Variants in KRT38 observed in about 807,000 individuals in gnomAD.
KRT38 encodes the protein keratin 38.
Under a neutral mutation model 43.1 loss-of-function variants are expected in KRT38, and 45 were observed. The observed-to-expected ratio is 1.04, with a 90% confidence interval of 0.82 to 1.34. The LOEUF is 1.34. Among genes scored for constraint, KRT38 ranks in the 40% most tolerant of loss-of-function variants. The pLI, the probability that KRT38 is intolerant of heterozygous loss-of-function variation, is 0.00. For synonymous variants in KRT38, 258 were observed against 244.0 expected (o/e 1.06, Z -0.53); for missense variants, 627 against 586.2 (o/e 1.07, Z -0.72).
chr17:41,437,404 A>C lies in KRT38; in HGVS notation c.*8T>G. 1.3e-6 allele frequency: 2 copies of C among 1,558,104 alleles called. No homozygotes were observed. The highest frequency in any genetic ancestry group is 1.7e-6 in the Non-Finnish European group (2 of 1,157,244). ...CGCCTTAGCCAGCCCCTGTGGGTCCACAGGAATTCAGAATCGGCTTCCGGT... is the reference window on the plus strand; with the variant it reads ...CGCCTTAGCCAGCCCCTGTGGGTCCCCAGGAATTCAGAATCGGCTTCCGGT... On this transcript the variant is annotated 3_prime_UTR_variant, in exon 7 of 7. Coordinates refer to ENST00000246646, the MANE Select transcript of KRT38 (RefSeq NM_006771.4).
intron 1 of KRT38, 87 bp downstream of exon 1, chr17:41,440,343 C>A: frequency 5.0e-6 from 8 of 1,597,592 alleles, no homozygotes; most frequent in South Asian, 1.1e-5. Flanking sequence ...AACCAAGAAC[C>A]CAAAGTTCTC....
chr17:41,440,745 G>C lies in KRT38; in HGVS notation c.177C>G (p.Ser59=), dbSNP rs749113156. Residue 59 remains serine (S), a synonymous_variant, in exon 1 of 7, where the codon TCC becomes TCG. Transcript: ENST00000246646. ...AGAGGCTGGGGCGGCCCAGGGGAGTGGACCCCACACGGACTCGGTTGGCAT... is the reference window on the plus strand; with the variant it reads ...AGAGGCTGGGGCGGCCCAGGGGAGTCGACCCCACACGGACTCGGTTGGCAT... ...VAHANRVRVG[S]TPLGRPSLCL... is the part of the protein sequence containing the mutation. 3.5e-5 allele frequency: 57 copies of C among 1,613,856 alleles called. No homozygotes were observed. In the Middle Eastern group the frequency reaches 6.6e-4, roughly 19 times the overall value.
In KRT38 at chr17:41,437,262, T is replaced by C; in HGVS notation, c.*150A>G. 1.3e-6 allele frequency: 1 copy of C among 792,382 alleles called. No individual in the cohort carries two copies. Among genetic ancestry groups the C allele is most frequent in the Non-Finnish European group, 1.8e-6 (1 of 568,254 alleles). 49.1% of individuals were successfully genotyped at this position (792,382 alleles called of 1,614,324 possible). A position where few individuals can be genotyped will look rare whatever the true frequency, so the allele number is the denominator to read the frequency against. On this transcript the variant is annotated 3_prime_UTR_variant, in exon 7 of 7. Coordinates refer to ENST00000246646, the MANE Select transcript of KRT38 (RefSeq NM_006771.4). ...AACCAAGAGCAGGAAAGGAAGGATTTCCATCAAGATTCCACTGTCCCTGGT... is the reference window on the plus strand; with the variant it reads ...AACCAAGAGCAGGAAAGGAAGGATTCCCATCAAGATTCCACTGTCCCTGGT...
chr17:41,437,620 A>C, intron 6 of KRT38, 79 bp from the exon 7 acceptor site: 1 of 1,446,808 alleles, frequency 6.9e-7, no homozygotes, highest in Non-Finnish European at 9.2e-7. Flanking sequence ...ATGAGGAAGG[A>C]GTCCCCACTG....
At chr17:41,437,957 A>T in intron 6 of KRT38, 136 bp downstream of exon 6, 1 of 812,446 alleles carries the variant, frequency 1.2e-6, no homozygotes, top group Non-Finnish European at 2.0e-6. Flanking sequence ...TGGAGTGTGC[A>T]GGACAGGGCA....
rs745842802 is a variant in KRT38 at position 41,438,341 on chromosome 17, A to G, written c.1021-28T>C. On this transcript the variant is annotated intron_variant, in intron 5 of 6. Transcript: ENST00000246646. ...GTAGTGGGAAATAAGGGGATAAAAT[A>G]TACAAGGCCCCAAGGGAAACTGCTA... The G allele has an allele frequency of 3.1e-6, 5 of 1,608,390 alleles. No homozygotes were observed. The East Asian group carries it at 8.9e-5, about 29-fold the overall frequency.
chr17:41,438,932 C>A, intron 3 of KRT38, 74 bp from the exon 4 acceptor site: 1 of 1,540,758 alleles, frequency 6.5e-7, no homozygotes. Flanking sequence ...CACCAGGACC[C>A]CGCCCCTGGC....
In KRT38 at chr17:41,440,634, A is replaced by G. The variant is rs1321573772; in HGVS notation, c.288T>C (p.Gly96=). The change falls in exon 1 of 7, where the codon GGT becomes GGC. Residue 96 remains glycine (G), a synonymous_variant. Coordinates refer to ENST00000246646, the MANE Select transcript of KRT38 (RefSeq NM_006771.4). ...PGNIGICGAY[G]ENTLNGHEKE... ...TCTCATGGCCATTCAGGGTGTTTTC[A>G]CCATAGGCCCCACAGATTCCAATGT... is the stretch of plus-strand genomic sequence containing the variant. 9 of 1,613,936 alleles carry G rather than the reference A, an allele frequency of 5.6e-6. No homozygotes were observed. Among genetic ancestry groups the G allele is most frequent in the Non-Finnish European group, 6.8e-6 (8 of 1,180,018 alleles).
chr17:41,438,725 T>A lies in KRT38; in HGVS notation c.866A>T (p.Gln289Leu), dbSNP rs746132911. 6.2e-7 allele frequency: 1 copy of A among 1,613,944 alleles called. No individual in the cohort carries two copies. Among genetic ancestry groups the A allele is most frequent in the Non-Finnish European group, 8.5e-7 (1 of 1,179,962 alleles). ...GGCTTGGAACCACTGTTCCACATCC[T>A]GGCGGTTGGTCTCCAACATGGCCTC... ...QYEAMLETNR[Q>L]DVEQWFQAQS... Residue 289 changes from glutamine to leucine, a missense_variant, in exon 4 of 7, where the codon CAG becomes CTG. Coordinates refer to ENST00000246646, the MANE Select transcript of KRT38 (RefSeq NM_006771.4).
chr17:41,439,424 C>T, intron 2 of KRT38, 65 bp from the exon 3 acceptor site: 1 of 1,558,442 alleles, frequency 6.4e-7, no homozygotes, highest in Non-Finnish European at 8.7e-7. Context: ...GCTGCCCTGG[C>T]TTCCTACCTC....
Position 41,437,368 on chromosome 17 carries a change from T to G in KRT38, c.*44A>C. Reference sequence around the variant, plus strand: ...TAAAGGTATAACAAGCATCTCTCTTTGGGTATCCCTCGCCTTAGCCAGCCC... The same window carrying G: ...TAAAGGTATAACAAGCATCTCTCTTGGGGTATCCCTCGCCTTAGCCAGCCC... On this transcript the variant is annotated 3_prime_UTR_variant, in exon 7 of 7. Transcript: ENST00000246646. 6.7e-7 allele frequency: 1 copy of G among 1,488,942 alleles called. No homozygotes were observed. Among genetic ancestry groups the G allele is most frequent in the Non-Finnish European group, 8.9e-7 (1 of 1,124,064 alleles). 92.2% of individuals were successfully genotyped at this position (1,488,942 alleles called of 1,614,324 possible). A position where few individuals can be genotyped will look rare whatever the true frequency, so the allele number is the denominator to read the frequency against.
rs781575306 is a variant in KRT38 at position 41,440,493 on chromosome 17, G to C, written c.429C>G (p.His143Gln). ...GGTAGTCGGGGCACACGGTGGACTC[G>C]TGGCACTTGCTCCTCTCGAGGAGTG... is the stretch of plus-strand genomic sequence containing the variant. ...EATLLERSKCHESTVCPDYQS... is the reference protein window; with the variant it reads ...EATLLERSKCQESTVCPDYQS... Residue 143 changes from histidine to glutamine, a missense_variant, in exon 1 of 7, where the codon CAC (histidine) becomes CAG (glutamine). Transcript: ENST00000246646. 6.2e-7 allele frequency: 1 copy of C among 1,614,094 alleles called. No individual in the cohort carries two copies. The highest frequency in any genetic ancestry group is 1.3e-5 in the African/African-American group (1 of 74,910).
intron 3 of KRT38, 24 bp downstream of exon 3, chr17:41,439,179 G>A (rs757757356): frequency 1.9e-6 from 3 of 1,609,444 alleles, no homozygotes; most frequent in African/African-American, 1.3e-5. Flanking sequence ...CCCTCCCCAG[G>A]AGTTTGAGCG....
At chr17:41,438,416 G>C in intron 5 of KRT38, 75 bp downstream of exon 5, 2 of 1,609,230 alleles carry the variant, frequency 1.2e-6, no homozygotes, top group Non-Finnish European at 1.7e-6. Flanking sequence ...CTTGGGTAGT[G>C]AGACCTCCAA....
rs763921085 is a variant in KRT38, at chr17:41,437,483, G to A, written c.1300C>T (p.Arg434Cys). The change falls in exon 7 of 7, where the codon CGC (arginine) becomes TGC (cysteine). Residue 434 changes from arginine (R) to cysteine (C), a missense_variant. Coordinates refer to ENST00000246646, the MANE Select transcript of KRT38 (RefSeq NM_006771.4). ...PSCVTAPCAPRPSCGPCTTCG... is the reference protein window; with the variant it reads ...PSCVTAPCAPCPSCGPCTTCG... ...GTGGTGCAGGGGCCACAGCTTGGGC[G>A]AGGAGCACAGGGGGCAGTCACGCAG... 3.0e-5 allele frequency: 46 copies of A among 1,557,314 alleles called. No homozygotes were observed. The highest frequency in any genetic ancestry group is 2.3e-4 in the Admixed American group (11 of 47,160).
intron 3 of KRT38, 51 bp downstream of exon 3, chr17:41,439,152 C>T (rs774485681): frequency 1.3e-6 from 2 of 1,580,698 alleles, no homozygotes; most frequent in East Asian, 4.5e-5. Flanking sequence ...CTGGGGAGCT[C>T]CCCTGTCTGC....
chr17:41,438,942 C>T, intron 3 of KRT38, 84 bp from the exon 4 acceptor site: 1 of 1,516,166 alleles, frequency 6.6e-7, no homozygotes, highest in Non-Finnish European at 9.0e-7. Flanking sequence ...CCGCCCCTGG[C>T]AAGCAGTAGG....
Position 41,437,534 on chromosome 17 carries a change from A to G in KRT38, c.1249T>C (p.Cys417Arg). The G allele has an allele frequency of 1.3e-6, 2 of 1,564,890 alleles. No individual in the cohort carries two copies. Among genetic ancestry groups the G allele is most frequent in the Non-Finnish European group, 1.7e-6 (2 of 1,162,840 alleles). Residue 417 changes from cysteine to arginine, a missense_variant, in exon 7 of 7, where the codon TGC (cysteine) becomes CGC (arginine). Transcript: ENST00000246646. ...GAGGGAGACGTGGAGCACGGATTGC[A>G]GGGGAGTCTGCAGAGAGACAAGGTG... ...LLESEDCKLP[C>R]NPCSTSPSCV...
intron 6 of KRT38, 94 bp downstream of exon 6, chr17:41,437,999 C>G: frequency 2.4e-6 from 3 of 1,241,070 alleles, no homozygotes; most frequent in Non-Finnish European, 3.5e-6. Flanking sequence ...CACAGAGAGC[C>G]TCATTCTACA....
Sources: gnomAD v4.1 joint callset for allele counts on GRCh38, gnomAD v4.1.1 for gene constraint, MANE v1.5 for transcripts, NCBI Gene and HGNC (gene_info 2026-07-23, HGNC 2026-07-21) for gene names.